The following CSMD1 variants were observed in gnomAD, a reference collection of about 807,000 sequenced individuals.
The protein encoded by CSMD1 is CUB and Sushi multiple domains 1, also known as CUB and sushi domain-containing protein 1.
A neutral mutation model predicts 417.5 loss-of-function variants in CSMD1; 213 were observed. That is an observed-to-expected ratio of 0.51 (90% confidence interval 0.46 to 0.57). The LOEUF is 0.57. Among genes scored for constraint, CSMD1 ranks in the 20% least tolerant of loss-of-function variants. CSMD1 has a pLI of 0.00. For missense variants in CSMD1, 6,923 were observed against 4,529.7 expected (o/e 1.53, Z -15.17); for synonymous variants, 2,862 against 1,736.8 (o/e 1.65, Z -16.11).
intron 10 of CSMD1, among the ~76,000 whole-genome samples, chr8:3,562,919 A>T (rs1799530834): frequency 6.6e-6 from 1 of 152,046 alleles, no homozygotes; most frequent in African/African-American, 2.4e-5. Flanking sequence ...TGAACTTAAA[A>T]GTTAAAAAAA....
chr8:4,025,314 A>T (rs556287486), intron 4 of CSMD1, among the ~76,000 whole-genome samples: 1 of 152,276 alleles, frequency 6.6e-6, no homozygotes, highest in Admixed American at 6.5e-5. Flanking sequence ...ACCATCTTTC[A>T]TGTTTTCCAG....
intron 43 of CSMD1, among the ~76,000 whole-genome samples, chr8:3,108,971 A>C (rs1423355774): frequency 6.6e-6 from 1 of 152,198 alleles, no homozygotes; most frequent in Admixed American, 6.5e-5. Flanking sequence ...GCACTTGTCA[A>C]ATGTCAACAC....
intron 1 of CSMD1, among the ~76,000 whole-genome samples, chr8:4,732,344 C>CGAGT (rs1554461217): frequency 7.1e-6 from 1 of 141,052 alleles, no homozygotes; most frequent in Non-Finnish European, 1.5e-5. Flanking sequence ...ATTTCTTCTG[C>CGAGT]GTGTGTGTGT....
intron 1 of CSMD1, among the ~76,000 whole-genome samples, chr8:4,867,757 T>G (rs761975708): frequency 6.6e-6 from 1 of 152,136 alleles, no homozygotes; most frequent in Non-Finnish European, 1.5e-5. Context: ...AGTTAGGTTT[T>G]TAGTAGCTTA....
At chr8:4,233,306 T>C (rs868750052) in intron 3 of CSMD1, among the ~76,000 whole-genome samples, 1 of 152,194 alleles carries the variant, frequency 6.6e-6, no homozygotes, top group Non-Finnish European at 1.5e-5. Flanking sequence ...ACATCTCAAA[T>C]TTGAATGTTA....
At chr8:4,597,959 T>C (rs1182559513) in intron 2 of CSMD1, among the ~76,000 whole-genome samples, 1 of 151,788 alleles carries the variant, frequency 6.6e-6, no homozygotes, top group Non-Finnish European at 1.5e-5. Context: ...CATCTCTAAT[T>C]ATTTTAAAAT....
chr8:3,450,776 C>G (rs1363039497), intron 12 of CSMD1, among the ~76,000 whole-genome samples: 1 of 151,978 alleles, frequency 6.6e-6, no homozygotes, highest in African/African-American at 2.4e-5. Context: ...AGTAAACATA[C>G]GTGTGCATGT....
intron 26 of CSMD1, among the ~76,000 whole-genome samples, chr8:3,254,026 C>T (rs866881972): frequency 6.6e-6 from 1 of 152,152 alleles, no homozygotes; most frequent in African/African-American, 2.4e-5. Flanking sequence ...TTGTTCCTTT[C>T]CATGTTTAGT....
intron 2 of CSMD1, among the ~76,000 whole-genome samples, chr8:4,549,025 T>C (rs913493987): frequency 3.3e-4 from 51 of 152,316 alleles, no homozygotes; most frequent in African/African-American, 1.2e-3. Context: ...AGTAATTAAG[T>C]ATATTTTGTT....
rs148667395 is a variant in CSMD1, at chr8:4,488,029, G to C, written c.303-67964C>G. 7.7e-3 allele frequency among the ~76,000 whole-genome samples: 1,174 copies of C among 152,276 alleles called. 8 individuals carry two copies. Among genetic ancestry groups the C allele is most frequent in the Non-Finnish European group, 0.013 (879 of 68,028 alleles). ...ATGAGATGGGGCTTTCTGGAGGTGAGTAGGTCATGAGGATGGAGCCCTTGT... is the reference window on the plus strand; with the variant it reads ...ATGAGATGGGGCTTTCTGGAGGTGACTAGGTCATGAGGATGGAGCCCTTGT... On this transcript the variant is annotated intron_variant, in intron 2 of 69. Coordinates refer to ENST00000635120, the MANE Select transcript of CSMD1 (RefSeq NM_033225.6).
chr8:3,881,476 A>G (rs1184736865), intron 5 of CSMD1, among the ~76,000 whole-genome samples: 1 of 151,754 alleles, frequency 6.6e-6, no homozygotes, highest in African/African-American at 2.4e-5. Context: ...CTCTACTAAA[A>G]ATACAAAAAA....
chr8:4,450,708 T>C (rs952732912), intron 2 of CSMD1, among the ~76,000 whole-genome samples: 1 of 152,164 alleles, frequency 6.6e-6, no homozygotes, highest in African/African-American at 2.4e-5. Context: ...ATCACAGAGT[T>C]TTAATAAATG....
At chr8:4,397,455 CGT>C (rs72220927) in intron 3 of CSMD1, among the ~76,000 whole-genome samples, 3,924 of 148,746 alleles carry the variant, frequency 0.026, 158 homozygotes, top group African/African-American at 0.092. Context: ...TCGGGAGATA[CGT>C]GATCTGTTGC....
chr8:3,359,517 T>C (rs957338985), intron 20 of CSMD1, among the ~76,000 whole-genome samples, 177 bp from the exon 21 acceptor site: 2 of 150,956 alleles, frequency 1.3e-5, no homozygotes, highest in East Asian at 3.9e-4. Context: ...AACTGTCTTA[T>C]GACAAATGAC....
intron 7 of CSMD1, among the ~76,000 whole-genome samples, chr8:3,705,572 G>C (rs1801122790): frequency 6.6e-6 from 1 of 152,318 alleles, no homozygotes; most frequent in Non-Finnish European, 1.5e-5. Context: ...AAAATGTCCA[G>C]CTTACAGAAT....
At chr8:4,766,076 C>T (rs936574234) in intron 1 of CSMD1, among the ~76,000 whole-genome samples, 3 of 152,072 alleles carry the variant, frequency 2.0e-5, no homozygotes, top group African/African-American at 7.2e-5. Context: ...AGAAGAAAGA[C>T]ATTTTTTCAA....
chr8:3,326,820 A>G (rs190860199), intron 23 of CSMD1, among the ~76,000 whole-genome samples: 1 of 152,336 alleles, frequency 6.6e-6, no homozygotes, highest in East Asian at 1.9e-4. Flanking sequence ...CTTATAGCAG[A>G]AGTGTAAAAA....
At chr8:3,678,184 G>A (rs778174708) in intron 7 of CSMD1, among the ~76,000 whole-genome samples, 17 of 152,310 alleles carry the variant, frequency 1.1e-4, no homozygotes, top group East Asian at 5.8e-4. Flanking sequence ...AAAGCTGGAC[G>A]GAGAATGACT....
chr8:4,187,604 ATG>A (rs1293805532), intron 3 of CSMD1, among the ~76,000 whole-genome samples: 3 of 133,964 alleles, frequency 2.2e-5, no homozygotes, highest in African/African-American at 8.4e-5. Flanking sequence ...TGAACCCAGG[ATG>A]TGGAGGTTGC....
Sources: allele counts gnomAD v4.1 joint callset (sites outside exome capture counted in the v4.1 genomes callset), GRCh38; gene constraint gnomAD v4.1.1; transcripts MANE v1.5; gene names NCBI Gene and HGNC (gene_info 2026-07-23, HGNC 2026-07-21).